The following NTM variants were observed in gnomAD, a reference collection of about 807,000 sequenced individuals.
NTM encodes the protein IgLON family member 2.
Under a neutral mutation model 42.1 loss-of-function variants are expected in NTM, and 13 were observed. The observed-to-expected ratio is 0.31, with a 90% CI of 0.20 to 0.49. The LOEUF (loss-of-function observed/expected upper bound fraction) is 0.49. Among genes scored for constraint, NTM ranks in the 20% least tolerant of loss-of-function variants. NTM has a pLI of 0.99. For missense variants in NTM, 373 were observed against 452.8 expected, an observed-to-expected ratio of 0.82 and a Z score of 1.60; for synonymous variants, 187 against 179.2, an observed-to-expected ratio of 1.04 and a Z score of -0.35.
chr11:131,803,576 C>T (rs10791169), intron 1 of NTM, among the ~76,000 whole-genome samples: 98,532 of 152,092 alleles, frequency 0.65, 32,680 homozygotes, highest in East Asian at 0.79. Flanking sequence ...TCCCAAAGTG[C>T]TGGGATTACA....
At chr11:131,380,381 T>C (rs1416943297) in intron 1 of NTM, among the ~76,000 whole-genome samples, 1 of 152,092 alleles carries the variant, frequency 6.6e-6, no homozygotes, top group Non-Finnish European at 1.5e-5. Context: ...CTAATTTTTT[T>C]TCTATTTTTA....
At chr11:131,758,319 A>T (rs1337248953) in intron 1 of NTM, among the ~76,000 whole-genome samples, 1 of 151,374 alleles carries the variant, frequency 6.6e-6, no homozygotes, top group African/African-American at 2.4e-5. Flanking sequence ...TGGGCTAGTG[A>T]TATGGCCATA....
At chr11:132,314,876 A>T in intron 7 of NTM, 173 bp downstream of exon 7, 2 of 1,368,270 alleles carry the variant, frequency 1.5e-6, no homozygotes, top group African/African-American at 1.5e-5. Context: ...AGGGACAGAG[A>T]GACAGGGAGG....
At chr11:131,944,953 G>C (rs563929871) in intron 2 of NTM, among the ~76,000 whole-genome samples, 140 of 152,256 alleles carry the variant, frequency 9.2e-4, no homozygotes, top group Middle Eastern at 3.4e-3. Context: ...CTTCCCTGTT[G>C]TGTAAGGATA....
chr11:131,750,461 G>T (rs1414909795), intron 1 of NTM, among the ~76,000 whole-genome samples: 1 of 152,174 alleles, frequency 6.6e-6, no homozygotes. Context: ...CAGGGTGCCT[G>T]GTTCCAACCA....
At chr11:131,931,978 G>A (rs115904856) in intron 2 of NTM, among the ~76,000 whole-genome samples, 2 of 152,202 alleles carry the variant, frequency 1.3e-5, no homozygotes, top group African/African-American at 4.8e-5. Flanking sequence ...CCACCACGGC[G>A]GTGCCTCGAT....
intron 2 of NTM, among the ~76,000 whole-genome samples, chr11:132,069,371 G>A (rs1366796519): frequency 2.9e-5 from 3 of 103,204 alleles, no homozygotes; most frequent in African/African-American, 4.3e-5. Context: ...ACCATCACAG[G>A]TTAGTTAACA....
At chr11:132,302,300 C>T (rs1259120954) in intron 4 of NTM, among the ~76,000 whole-genome samples, 1 of 152,182 alleles carries the variant, frequency 6.6e-6, no homozygotes. Context: ...TTAAGGATGC[C>T]TTCTCCTGAG....
At chr11:132,325,936 G>T (rs914665328) in intron 7 of NTM, among the ~76,000 whole-genome samples, 7 of 151,130 alleles carry the variant, frequency 4.6e-5, no homozygotes, top group African/African-American at 1.7e-4. Flanking sequence ...CAAACACCGC[G>T]TGTTCTCACT....
chr11:132,291,948 C>G (rs544678988), intron 4 of NTM, among the ~76,000 whole-genome samples: 1 of 152,148 alleles, frequency 6.6e-6, no homozygotes, highest in Admixed American at 6.5e-5. Flanking sequence ...TGAGACAGCA[C>G]ATTTGGACAA....
chr11:131,408,910 A>T (rs1946092281), intron 1 of NTM, among the ~76,000 whole-genome samples: 1 of 152,196 alleles, frequency 6.6e-6, no homozygotes, highest in South Asian at 2.1e-4. Flanking sequence ...GCATCATATC[A>T]TCCCAAAGCA....
At chr11:131,867,417 CTGTG>C (rs1040838029) in intron 1 of NTM, among the ~76,000 whole-genome samples, 10 of 151,334 alleles carry the variant, frequency 6.6e-5, no homozygotes, top group African/African-American at 2.4e-4. Context: ...GTGTTTACGT[CTGTG>C]TGTATCAGTG....
At chr11:132,069,618 C>T (rs2057131781) in intron 2 of NTM, among the ~76,000 whole-genome samples, 1 of 150,942 alleles carries the variant, frequency 6.6e-6, no homozygotes, top group Non-Finnish European at 1.5e-5. Flanking sequence ...ACACATCACA[C>T]TGACCGTCAC....
intron 4 of NTM, chr11:132,284,215 AG>A (rs1369873681): frequency 6.6e-6 from 1 of 152,268 alleles, no homozygotes; most frequent in Non-Finnish European, 1.5e-5. Flanking sequence ...ACTGGTTGCT[AG>A]CGCTGAGGTA....
At chr11:131,805,157 A>G (rs2092410131) in intron 1 of NTM, among the ~76,000 whole-genome samples, 1 of 152,218 alleles carries the variant, frequency 6.6e-6, no homozygotes, top group African/African-American at 2.4e-5. Context: ...CACCATCTTC[A>G]TCACTGTAGC....
intron 1 of NTM, chr11:131,371,163 C>T (rs1041687248): frequency 1.4e-5 from 13 of 906,992 alleles, no homozygotes; most frequent in Non-Finnish European, 1.7e-5. Flanking sequence ...GGCTCCCTGG[C>T]TTCATGCACA....
chr11:131,867,305 GCAGC>G (rs1346184010), intron 1 of NTM, among the ~76,000 whole-genome samples: 2 of 152,204 alleles, frequency 1.3e-5, no homozygotes, highest in Non-Finnish European at 2.9e-5. Flanking sequence ...TGGAGAGGTT[GCAGC>G]AAGGAGGAAA....
chr11:132,006,679 C>G (rs980620990), intron 2 of NTM, among the ~76,000 whole-genome samples: 7 of 152,328 alleles, frequency 4.6e-5, no homozygotes, highest in African/African-American at 7.2e-5. Flanking sequence ...GCTTATGAGG[C>G]TGGTGTAATC....
intron 1 of NTM, among the ~76,000 whole-genome samples, chr11:131,778,664 G>A (rs923980252): frequency 6.6e-6 from 1 of 152,208 alleles, no homozygotes; most frequent in African/African-American, 2.4e-5. Context: ...AAAGTCATAT[G>A]CAGTACAGGA....
Sources: allele counts gnomAD v4.1 joint callset (sites outside exome capture counted in the v4.1 genomes callset), GRCh38; gene constraint gnomAD v4.1.1; transcripts MANE v1.5; gene names NCBI Gene and HGNC (gene_info 2026-07-23, HGNC 2026-07-21).